Variants in FOXN2 observed in about 807,000 individuals in gnomAD.
FOXN2 encodes forkhead box protein N2.
In FOXN2, 19 loss-of-function variants were observed where a neutral mutation model predicts 41.2. The observed-to-expected ratio is 0.46, with a 90% CI of 0.32 to 0.68. The LOEUF (loss-of-function observed/expected upper bound fraction) is 0.68, where lower values mean the gene tolerates loss of function less well. FOXN2 is among the 30% of genes least tolerant of loss of function. The probability of loss-of-function intolerance (pLI) is 0.03; values close to 1 mark genes in which losing one functional copy is unlikely to be tolerated. For synonymous variants in FOXN2, 195 were observed against 176.8 expected (o/e 1.10, Z -0.82); for missense variants, 587 against 509.4 (o/e 1.15, Z -1.47).
chr2:48,344,850 C>CA (rs1469897568), intron 2 of FOXN2, among the ~76,000 whole-genome samples: 11 of 147,692 alleles, frequency 7.4e-5, no homozygotes, highest in Non-Finnish European at 1.5e-4. Context: ...ACCCCCCCCC[C>CA]CCAATTATTT....
chr2:48,360,213 T>C (rs924333011), intron 4 of FOXN2, among the ~76,000 whole-genome samples: 1 of 151,976 alleles, frequency 6.6e-6, no homozygotes, highest in Non-Finnish European at 1.5e-5. Flanking sequence ...AAGAAGACTT[T>C]AGAGTCTTCT....
chr2:48,314,378 C>T (rs548509167), upstream of FOXN2, among the ~76,000 whole-genome samples: 47 of 152,362 alleles, frequency 3.1e-4, no homozygotes, highest in South Asian at 7.5e-3. Context: ...GCCCTAAACC[C>T]GCACCGGCCT....
intron 2 of FOXN2, among the ~76,000 whole-genome samples, chr2:48,341,393 C>G (rs1331832598): frequency 1.3e-5 from 2 of 152,064 alleles, no homozygotes; most frequent in East Asian, 3.8e-4. Flanking sequence ...CCTGAACACA[C>G]TAAAATTGTG....
chr2:48,368,084 C>T (rs1274006404), intron 5 of FOXN2, among the ~76,000 whole-genome samples: 3 of 152,136 alleles, frequency 2.0e-5, no homozygotes, highest in Non-Finnish European at 2.9e-5. Flanking sequence ...TCAAGTGATC[C>T]ACCCACCTCG....
At chr2:48,360,043 A>G (rs537338195) in intron 4 of FOXN2, among the ~76,000 whole-genome samples, 1 of 151,888 alleles carries the variant, frequency 6.6e-6, no homozygotes, top group African/African-American at 2.4e-5. Flanking sequence ...CTTTGTTTTT[A>G]TTTTTTCTGG....
chr2:48,315,329 G>C (rs1668834893), intron 1 of FOXN2, among the ~76,000 whole-genome samples: 1 of 152,190 alleles, frequency 6.6e-6, no homozygotes, highest in Non-Finnish European at 1.5e-5. Context: ...GGACTGGCTG[G>C]GCCCCGCCAA....
intron 2 of FOXN2, among the ~76,000 whole-genome samples, chr2:48,341,902 A>G (rs1017995487): frequency 6.6e-6 from 1 of 152,218 alleles, no homozygotes; most frequent in Non-Finnish European, 1.5e-5. Context: ...TGTTATGGAA[A>G]AGGTTTGTAA....
At chr2:48,343,178 C>T (rs2104349219) in intron 2 of FOXN2, among the ~76,000 whole-genome samples, 1 of 152,294 alleles carries the variant, frequency 6.6e-6, no homozygotes, top group Middle Eastern at 3.4e-3. Context: ...ATAATTTTGG[C>T]TCCACTTTTT....
At position 48,374,965 on chromosome 2, in the gene FOXN2, G is replaced by C. The variant is rs1284293674; in HGVS notation, c.818G>C (p.Ser273Thr). The C allele has an allele frequency of 4.3e-6, 7 of 1,613,802 alleles. No individual in the cohort carries two copies. The South Asian group carries it at 7.7e-5, about 18-fold the overall frequency. The change falls in exon 7 of 7, where the codon AGT (serine) becomes ACT (threonine). Residue 273 changes from serine to threonine, a missense_variant. By Grantham distance (58) the Ser-to-Thr change is moderately conservative (BLOSUM62 1). Coordinates refer to ENST00000340553, the MANE Select transcript of FOXN2 (RefSeq NM_002158.4). ...PLKTALQKKR[S>T]YGNAFHHPSA... ...AAAACAGCATTGCAAAAAAAGAGGAGTTACGGCAATGCATTTCATCATCCC... is the reference window on the plus strand; with the variant it reads ...AAAACAGCATTGCAAAAAAAGAGGACTTACGGCAATGCATTTCATCATCCC...
At chr2:48,324,963 A>C (rs1360570257) in intron 1 of FOXN2, among the ~76,000 whole-genome samples, 2 of 152,228 alleles carry the variant, frequency 1.3e-5, no homozygotes, top group South Asian at 2.1e-4. Flanking sequence ...ATGAGAGGGA[A>C]GGTAGACAAT....
chr2:48,375,320 A>G lies in FOXN2; in HGVS notation c.1173A>G (p.Gln391=). The change falls in exon 7 of 7, where the codon CAA becomes CAG. Residue 391 remains glutamine (Q), a synonymous_variant. Coordinates refer to ENST00000340553, the MANE Select transcript of FOXN2 (RefSeq NM_002158.4). ...SGKKMRKQTC[Q]EIDEELKEAA... The stretch of plus-strand genomic sequence containing the variant: ...AAAAGATGCGAAAACAGACATGTCA[A>G]GAAATTGATGAGGAGCTCAAAGAGG... 3 of 1,613,898 alleles carry G rather than the reference A, an allele frequency of 1.9e-6. No individual in the cohort carries two copies. Among genetic ancestry groups the G allele is most frequent in the South Asian group, 1.1e-5 (1 of 91,068 alleles).
At chr2:48,339,678 A>AT (rs1670610667) in intron 2 of FOXN2, among the ~76,000 whole-genome samples, 1 of 152,212 alleles carries the variant, frequency 6.6e-6, no homozygotes, top group Non-Finnish European at 1.5e-5. Flanking sequence ...GTGGTAACTG[A>AT]TTCAGCATTT....
chr2:48,344,988 G>C (rs1033980060), intron 2 of FOXN2, among the ~76,000 whole-genome samples: 1 of 151,980 alleles, frequency 6.6e-6, no homozygotes, highest in African/African-American at 2.4e-5. Flanking sequence ...TTTCTTCTCT[G>C]GTCTGTTATT....
chr2:48,339,700 G>A (rs1229473718), intron 2 of FOXN2, among the ~76,000 whole-genome samples: 1 of 152,122 alleles, frequency 6.6e-6, no homozygotes, highest in Non-Finnish European at 1.5e-5. Flanking sequence ...TTGGTAAGCA[G>A]TTTGTCATCA....
chr2:48,349,207 T>G (rs552455618), intron 3 of FOXN2, among the ~76,000 whole-genome samples: 3 of 152,016 alleles, frequency 2.0e-5, no homozygotes. Context: ...CAACTTTGGC[T>G]GAGTGCAGTG....
chr2:48,377,037 T>G lies in FOXN2; in HGVS notation c.*1594T>G, dbSNP rs572559252. ...AAATGAGAAAAATGATTTTAAAAAC[T>G]TTTTTTTCAATTGACAAGACTTTAA... On this transcript the variant is annotated 3_prime_UTR_variant, in exon 7 of 7. Coordinates refer to ENST00000340553, the MANE Select transcript of FOXN2 (RefSeq NM_002158.4). The G allele has an allele frequency of 2.0e-5, 3 of 152,006 alleles. No individual in the cohort carries two copies. Among genetic ancestry groups the G allele is most frequent in the African/African-American group, 7.2e-5 (3 of 41,534 alleles). The allele number at this position is 152,006 out of a possible 1,614,324, so 9.4% of individuals were successfully genotyped here. A position where few individuals can be genotyped will look rare whatever the true frequency, so the allele number is the denominator to read the frequency against.
chr2:48,335,763 C>G (rs576410421), intron 2 of FOXN2, among the ~76,000 whole-genome samples: 3 of 152,170 alleles, frequency 2.0e-5, no homozygotes, highest in Non-Finnish European at 2.9e-5. Context: ...CACGGTGGCT[C>G]ACGCCTGTAA....
intron 3 of FOXN2, among the ~76,000 whole-genome samples, chr2:48,352,166 A>T (rs1299416517): frequency 2.0e-5 from 3 of 152,262 alleles, no homozygotes; most frequent in Admixed American, 2.0e-4. Context: ...TGATAGGGCA[A>T]TATATTACCT....
intron 3 of FOXN2, among the ~76,000 whole-genome samples, chr2:48,358,345 C>T (rs921621473): frequency 6.6e-6 from 1 of 152,116 alleles, no homozygotes; most frequent in African/African-American, 2.4e-5. Context: ...ATTTGAATCT[C>T]ATTACAATTC....
Sources: allele counts gnomAD v4.1 joint callset (sites outside exome capture counted in the v4.1 genomes callset), GRCh38; gene constraint gnomAD v4.1.1; transcripts MANE v1.5; gene names NCBI Gene and HGNC (gene_info 2026-07-23, HGNC 2026-07-21).